The following BDP1 variants were observed in gnomAD, a reference collection of about 807,000 sequenced individuals.
BDP1 encodes BDP1 general transcription factor IIIB subunit.
BDP1 carries 169 observed loss-of-function variants against 266.6 expected under a neutral mutation model. The observed-to-expected ratio is 0.63, with a 90% CI of 0.56 to 0.72. BDP1 has a LOEUF of 0.72. Ranked by LOEUF, BDP1 falls within the 30% of genes least tolerant of loss-of-function variation. The pLI, the probability that BDP1 is intolerant of heterozygous loss-of-function variation, is 0.00. For missense variants in BDP1, 3,015 were observed against 3,053.8 expected (o/e 0.99, Z 0.30); for synonymous variants, 1,090 against 1,022.4 (o/e 1.07, Z -1.26).
chr5:71,546,698 G>A (rs188492024), intron 32 of BDP1, among the ~76,000 whole-genome samples: 143 of 146,534 alleles, frequency 9.8e-4, no homozygotes, highest in African/African-American at 3.3e-3. Flanking sequence ...ACCTCATCTT[G>A]TATCTAATAA....
At chr5:71,506,817 A>ACC (rs1764611265) in intron 16 of BDP1, among the ~76,000 whole-genome samples, 1 of 140,216 alleles carries the variant, frequency 7.1e-6, no homozygotes, top group Non-Finnish European at 1.6e-5. Context: ...ACACACACAC[A>ACC]CACACACCCA....
At chr5:71,555,458 A>G (rs1404630196) in intron 35 of BDP1, among the ~76,000 whole-genome samples, 1 of 123,202 alleles carries the variant, frequency 8.1e-6, no homozygotes, top group Non-Finnish European at 1.8e-5. Context: ...TTTTTTTTTG[A>G]GATGGAGTTT....
chr5:71,543,245 G>A (rs1767078194), intron 30 of BDP1, among the ~76,000 whole-genome samples: 2 of 152,208 alleles, frequency 1.3e-5, no homozygotes, highest in East Asian at 1.9e-4. Context: ...TCATGCCACT[G>A]TACTCCGGCC....
Position 71,517,424 on chromosome 5 carries a change from C to G in BDP1, c.4963C>G (p.His1655Asp). ...TCAGGTGGTTCTTGTAGAAAACCTT[C>G]ATGTTAACAAAACAAATGAAACAAT... is the stretch of plus-strand genomic sequence containing the variant. ...QSQVVLVENLHVNKTNETIRH... is the reference protein window; with the variant it reads ...QSQVVLVENLDVNKTNETIRH... The change falls in exon 22 of 39, where the codon CAT becomes GAT. Residue 1655 changes from histidine (H) to aspartate (D), a missense_variant. Transcript: ENST00000358731. 2 of 1,595,012 alleles carry G rather than the reference C, an allele frequency of 1.3e-6. No homozygotes were observed. Among genetic ancestry groups the G allele is most frequent in the Non-Finnish European group, 1.7e-6 (2 of 1,174,234 alleles).
Position 71,515,052 on chromosome 5 carries a change from A to G in BDP1, c.4579A>G (p.Asn1527Asp), listed in dbSNP as rs1209762745. ...GACTGAAAGGAACCTTTCACCTTCA[A>G]ATTCTTGTGAACCTAAAGAGGAGTC... Reference protein sequence around the residue: ...TQTERNLSPSNSCEPKEESQS... With the variant: ...TQTERNLSPSDSCEPKEESQS... Residue 1527 changes from asparagine (N) to aspartate (D), a missense_variant, in exon 20 of 39, where the codon AAT (asparagine) becomes GAT (aspartate). Around this residue, in one of 3 missense-constraint regions of BDP1, gnomAD observed 2,383 missense variants for 2,404.9 expected, o/e 0.99. Coordinates refer to ENST00000358731, the MANE Select transcript of BDP1 (RefSeq NM_018429.3). 6.2e-7 allele frequency: 1 copy of G among 1,613,194 alleles called. No individual in the cohort carries two copies. Among genetic ancestry groups the G allele is most frequent in the Non-Finnish European group, 8.5e-7 (1 of 1,179,632 alleles).
Position 71,564,738 on chromosome 5 carries a change from T to G in BDP1, c.7744-16T>G, listed in dbSNP as rs1322493588. ...ATTACAGTTTTATTTTTACTTTATT[T>G]TTATTACCTTTTTAGGTTTCTTGTG... On this transcript the variant is annotated splice_polypyrimidine_tract_variant and intron_variant, in intron 38 of 38. Transcript: ENST00000358731. 1.3e-6 allele frequency: 2 copies of G among 1,586,624 alleles called. No individual in the cohort carries two copies. Among genetic ancestry groups the G allele is most frequent in the African/African-American group, 1.4e-5 (1 of 73,320 alleles).
rs754550519 is a variant in BDP1, at chr5:71,511,153, T to C, written c.4059+2T>C. ...GCTGTGCCTTCACTAGATATTCAGG[T>C]ATGTATTTTTCTGTCCTTTAAAAGT... On this transcript the variant is annotated splice_donor_variant, in intron 17 of 38. Transcript: ENST00000358731. LOFTEE classifies it high-confidence loss of function. The C allele has an allele frequency of 4.4e-6, 7 of 1,595,902 alleles. No individual in the cohort carries two copies. The highest frequency in any genetic ancestry group is 2.7e-5 in the African/African-American group (2 of 73,866).
intron 15 of BDP1, among the ~76,000 whole-genome samples, chr5:71,503,794 C>CT (rs1428692950): frequency 6.6e-6 from 1 of 152,002 alleles, no homozygotes; most frequent in African/African-American, 2.4e-5. Context: ...TAGTGACACT[C>CT]TGTCTCTACA....
rs35736161 is a variant in BDP1 at position 71,517,427 on chromosome 5, G to C, written c.4966G>C (p.Val1656Leu). The C allele has an allele frequency of 1.6e-5, 25 of 1,595,256 alleles. No individual in the cohort carries two copies. The South Asian group carries it at 2.9e-4, about 18-fold the overall frequency. The change falls in exon 22 of 39, where the codon GTT becomes CTT. Residue 1656 changes from valine (V) to leucine (L), a missense_variant. Val to Leu is a conservative substitution (Grantham distance 32, BLOSUM62 1). This residue lies in a region of BDP1 where 2,383 missense variants were observed against 2,404.9 expected (regional missense o/e 0.99). Coordinates refer to ENST00000358731, the MANE Select transcript of BDP1 (RefSeq NM_018429.3). ...SQVVLVENLHVNKTNETIRHE... is the reference protein window; with the variant it reads ...SQVVLVENLHLNKTNETIRHE... ...GGTGGTTCTTGTAGAAAACCTTCAT[G>C]TTAACAAAACAAATGAAACAATCAG...
At chr5:71,569,717 C>T (rs1405895185), downstream of BDP1, among the ~76,000 whole-genome samples, 1 of 152,080 alleles carries the variant, frequency 6.6e-6, no homozygotes, top group Non-Finnish European at 1.5e-5. Context: ...TGTACTCCAG[C>T]GTGGGTGAAA....
intron 12 of BDP1, among the ~76,000 whole-genome samples, chr5:71,495,961 G>A (rs747784467): frequency 6.6e-6 from 1 of 151,888 alleles, no homozygotes; most frequent in Non-Finnish European, 1.5e-5. Flanking sequence ...ATAGTTTATG[G>A]GCTGGGCGCA....
chr5:71,538,535 G>A (rs1456210590), intron 26 of BDP1, among the ~76,000 whole-genome samples: 1 of 152,204 alleles, frequency 6.6e-6, no homozygotes, highest in Non-Finnish European at 1.5e-5. Flanking sequence ...GCTTTTAAAT[G>A]TTTTGTTTTT....
At chr5:71,489,271 C>T in intron 9 of BDP1, 133 bp from the exon 10 acceptor site, 1 of 569,666 alleles carries the variant, frequency 1.8e-6, no homozygotes, top group Non-Finnish European at 3.0e-6. Context: ...TCCCATTAGA[C>T]ATTTTAGGTT....
intron 34 of BDP1, among the ~76,000 whole-genome samples, chr5:71,551,960 C>T (rs979552109): frequency 4.0e-5 from 6 of 149,522 alleles, no homozygotes; most frequent in East Asian, 2.0e-4. Flanking sequence ...GGCTGACCCC[C>T]CCACCTCCCT....
chr5:71,458,509 C>A, intron 1 of BDP1, 70 bp from the exon 2 acceptor site: 2 of 1,168,796 alleles, frequency 1.7e-6, no homozygotes, highest in Non-Finnish European at 2.3e-6. Context: ...TTTCACCAGA[C>A]TAGGTTTTAA....
At chr5:71,500,498 T>G (rs1764170489) in intron 13 of BDP1, among the ~76,000 whole-genome samples, 1 of 151,736 alleles carries the variant, frequency 6.6e-6, no homozygotes. Context: ...GCTAATTTTT[T>G]GTATATTTAA....
chr5:71,511,272 C>T (rs1038533490), intron 17 of BDP1, 121 bp downstream of exon 17: 11 of 952,286 alleles, frequency 1.2e-5, no homozygotes, highest in Admixed American at 8.2e-5. Context: ...AGTCTAAAGT[C>T]TTTTGTAGCC....
chr5:71,510,773 G>T lies in BDP1; in HGVS notation c.3681G>T (p.Leu1227Phe), dbSNP rs1448199070. The T allele has an allele frequency of 6.2e-7, 1 of 1,613,962 alleles. No individual in the cohort carries two copies. Among genetic ancestry groups the T allele is most frequent in the East Asian group, 2.2e-5 (1 of 44,904 alleles). ...VKPVGKMETD[L>F]KEIREEISQR... Reference sequence around the variant, plus strand: ...CTGTAGGTAAAATGGAGACAGATTTGAAAGAAATTAGAGAAGAAATTTCCC... The same window carrying T: ...CTGTAGGTAAAATGGAGACAGATTTTAAAGAAATTAGAGAAGAAATTTCCC... The change falls in exon 17 of 39, where the codon TTG becomes TTT. Residue 1227 changes from leucine (L) to phenylalanine (F), a missense_variant. Coordinates refer to ENST00000358731, the MANE Select transcript of BDP1 (RefSeq NM_018429.3).
intron 16 of BDP1, among the ~76,000 whole-genome samples, chr5:71,506,946 A>G (rs1032662225): frequency 1.3e-5 from 2 of 151,954 alleles, no homozygotes; most frequent in African/African-American, 4.8e-5. Context: ...TCAGCCTCCC[A>G]AGTAGCTGGG....
Sources: gnomAD v4.1 joint callset for allele counts (sites outside exome capture counted in the v4.1 genomes callset) on GRCh38, gnomAD v4.1.1 for gene constraint, gnomAD v4.1.1 regional missense constraint, MANE v1.5 for transcripts, NCBI Gene and HGNC (gene_info 2026-07-23, HGNC 2026-07-21) for gene names.